Variants in ANK2 observed in about 807,000 individuals in gnomAD.
The protein encoded by ANK2 is ankyrin 2, also known as ankyrin-2.
ANK2 carries 83 observed loss-of-function variants against 360.5 expected under a neutral mutation model. That is an observed-to-expected ratio of 0.23 (90% confidence interval 0.19 to 0.28). The LOEUF (loss-of-function observed/expected upper bound fraction) is 0.28, where lower values mean the gene tolerates loss of function less well. Among genes scored for constraint, ANK2 ranks in the 10% least tolerant of loss-of-function variants. The pLI, the probability that ANK2 is intolerant of heterozygous loss-of-function variation, is 1.00. For missense variants in ANK2, 4,201 were observed against 4,795.7 expected (o/e 0.88, Z 3.66); for synonymous variants, 1,740 against 1,759.5 (o/e 0.99, Z 0.28).
chr4:112,896,531 T>G (rs1004659288), intron 1 of ANK2, among the ~76,000 whole-genome samples: 9 of 152,194 alleles, frequency 5.9e-5, no homozygotes, highest in African/African-American at 2.2e-4. Flanking sequence ...TCTCAGCTTA[T>G]TGAGATTTCC....
At chr4:113,239,909 A>C (rs1239081418) in intron 7 of ANK2, among the ~76,000 whole-genome samples, 1 of 152,196 alleles carries the variant, frequency 6.6e-6, no homozygotes, top group Non-Finnish European at 1.5e-5. Flanking sequence ...CATGACAACA[A>C]CATAATCGTG....
chr4:112,823,571 C>A (rs1378875836), intron 1 of ANK2, among the ~76,000 whole-genome samples: 54 of 143,376 alleles, frequency 3.8e-4, no homozygotes, highest in African/African-American at 3.6e-4. Context: ...AGAGGAAATG[C>A]AAAAAAAAAA....
At chr4:113,001,638 G>A (rs1184938875) in intron 2 of ANK2, among the ~76,000 whole-genome samples, 1 of 152,106 alleles carries the variant, frequency 6.6e-6, no homozygotes, top group Non-Finnish European at 1.5e-5. Context: ...CCCTGCTTTG[G>A]ATTCTGGGAG....
intron 2 of ANK2, among the ~76,000 whole-genome samples, chr4:113,190,026 A>C (rs573671650): frequency 1.3e-5 from 2 of 152,192 alleles, no homozygotes; most frequent in South Asian, 4.1e-4. Flanking sequence ...AGAAACACAG[A>C]ATTTTGTTAT....
At chr4:112,850,356 T>TCCATCCATCCATCCAC (rs1176494692) in intron 1 of ANK2, among the ~76,000 whole-genome samples, 169 of 149,320 alleles carry the variant, frequency 1.1e-3, no homozygotes, top group African/African-American at 4.0e-3. Flanking sequence ...CATCCATCCA[T>TCCATCCATCCATCCAC]CCACCCATTC....
At chr4:113,253,109 G>A (rs2047357399) in intron 10 of ANK2, among the ~76,000 whole-genome samples, 1 of 152,112 alleles carries the variant, frequency 6.6e-6, no homozygotes, top group Non-Finnish European at 1.5e-5. Flanking sequence ...GACATGACTT[G>A]GAGCCCATGT....
At chr4:113,005,381 T>C (rs2052456050) in intron 2 of ANK2, among the ~76,000 whole-genome samples, 1 of 152,202 alleles carries the variant, frequency 6.6e-6, no homozygotes, top group South Asian at 2.1e-4. Flanking sequence ...ATGTGATATA[T>C]ATAATCAATA....
intron 1 of ANK2, among the ~76,000 whole-genome samples, chr4:112,872,404 C>G (rs1239712550): frequency 1.3e-5 from 2 of 151,510 alleles, no homozygotes; most frequent in Non-Finnish European, 1.5e-5. Context: ...ATGGCATGAT[C>G]TCGGCTCACC....
intron 23 of ANK2, among the ~76,000 whole-genome samples, chr4:113,310,564 G>A (rs1417825187): frequency 6.6e-6 from 1 of 152,028 alleles, no homozygotes; most frequent in Non-Finnish European, 1.5e-5. Flanking sequence ...CTACAGGCAT[G>A]TGCCACCACG....
intron 1 of ANK2, among the ~76,000 whole-genome samples, chr4:113,139,220 T>C (rs184373389): frequency 2.0e-5 from 3 of 152,168 alleles, no homozygotes; most frequent in East Asian, 3.9e-4. Flanking sequence ...TCTTCTAAGA[T>C]TGTTGTTCCT....
intron 2 of ANK2, among the ~76,000 whole-genome samples, chr4:113,009,255 C>A (rs549819613): frequency 6.6e-6 from 1 of 152,256 alleles, no homozygotes; most frequent in Admixed American, 6.5e-5. Flanking sequence ...CAAATCCTTG[C>A]TGTTCTTTAG....
intron 4 of ANK2, among the ~76,000 whole-genome samples, chr4:113,207,622 C>T (rs543944709): frequency 7.0e-6 from 1 of 143,038 alleles, no homozygotes; most frequent in East Asian, 2.1e-4. Flanking sequence ...TCCACAACAA[C>T]TAAGAAGCTA....
chr4:113,275,067 G>A (rs749023872), intron 15 of ANK2, among the ~76,000 whole-genome samples: 5 of 152,170 alleles, frequency 3.3e-5, no homozygotes, highest in Non-Finnish European at 7.3e-5. Context: ...CCAGATCGAA[G>A]CTCAATTTAC....
chr4:112,779,474 G>T, the ANK2 span, among the ~76,000 whole-genome samples: 10 of 152,010 alleles, frequency 6.6e-5, no homozygotes, highest in African/African-American at 2.4e-4. Flanking sequence ...AGCCAAGATT[G>T]CGCCACTGCA....
intron 1 of ANK2, among the ~76,000 whole-genome samples, chr4:113,163,901 C>T (rs2097656585): frequency 6.6e-6 from 1 of 151,384 alleles, no homozygotes; most frequent in African/African-American, 2.4e-5. Flanking sequence ...ACCAACACCA[C>T]AATAAATTTC....
intron 4 of ANK2, among the ~76,000 whole-genome samples, chr4:113,222,391 ATTTTTTT>A (rs397880062): frequency 7.3e-5 from 9 of 122,460 alleles, no homozygotes; most frequent in African/African-American, 9.6e-5. Flanking sequence ...CTCTGAAACA[ATTTTTTT>A]TTTTTTTTTT....
intron 1 of ANK2, among the ~76,000 whole-genome samples, chr4:113,105,629 G>A (rs112580967): frequency 7.2e-5 from 11 of 152,302 alleles, no homozygotes; most frequent in African/African-American, 2.4e-4. Context: ...CTATAGGCAT[G>A]AAGGTTCATT....
chr4:113,134,108 T>C (rs2096246309), intron 1 of ANK2, among the ~76,000 whole-genome samples: 1 of 151,852 alleles, frequency 6.6e-6, no homozygotes, highest in Non-Finnish European at 1.5e-5. Flanking sequence ...CCTCCAATGA[T>C]CAAAATAGCA....
At chr4:112,770,369 A>G in the ANK2 span, among the ~76,000 whole-genome samples, 2 of 152,146 alleles carry the variant, frequency 1.3e-5, no homozygotes, top group African/African-American at 4.8e-5. Flanking sequence ...TTTGTTTTAA[A>G]TCACCATTCA....
Sources: gnomAD v4.1 joint callset for allele counts (sites outside exome capture counted in the v4.1 genomes callset) on GRCh38, gnomAD v4.1.1 for gene constraint, MANE v1.5 for transcripts, NCBI Gene and HGNC (gene_info 2026-07-23, HGNC 2026-07-21) for gene names.